KCNJ15: variants seen among roughly 807,000 people sequenced by gnomAD.
KCNJ15 encodes potassium inwardly rectifying channel subfamily J member 15.
KCNJ15 carries 14 observed loss-of-function variants against 23.0 expected under a neutral mutation model. The observed-to-expected ratio is 0.61, with a 90% CI of 0.40 to 0.95. The LOEUF is 0.95. Among genes scored for constraint, KCNJ15 ranks in the 40% least tolerant of loss-of-function variants. The pLI is 0.00. For synonymous variants in KCNJ15, 185 were observed against 183.2 expected (o/e 1.01, Z -0.08); for missense variants, 388 against 461.8 (o/e 0.84, Z 1.46).
chr21:38,245,568 G>A (rs1183674130), intron 1 of KCNJ15, among the ~76,000 whole-genome samples: 1 of 142,848 alleles, frequency 7.0e-6, no homozygotes, highest in Non-Finnish European at 1.5e-5. Context: ...AACAAAGAAA[G>A]AAAAGAAAGA....
intron 1 of KCNJ15, among the ~76,000 whole-genome samples, chr21:38,259,838 G>A (rs149903681): frequency 1.1e-3 from 163 of 152,270 alleles, no homozygotes; most frequent in Admixed American, 2.7e-3. Context: ...AGACAGGTCT[G>A]ACTGAACACA....
chr21:38,277,427 A>G (rs1341283418), intron 1 of KCNJ15, among the ~76,000 whole-genome samples: 1 of 152,212 alleles, frequency 6.6e-6, no homozygotes, highest in Non-Finnish European at 1.5e-5. Context: ...TAAATGAATG[A>G]GGAGCTGATG....
intron 1 of KCNJ15, among the ~76,000 whole-genome samples, chr21:38,261,862 C>A (rs1401365510): frequency 1.3e-5 from 2 of 152,170 alleles, no homozygotes; most frequent in African/African-American, 4.8e-5. Flanking sequence ...TGAGGGCTTG[C>A]CCCAGTGGAA....
chr21:38,268,380 C>A (rs2836263), intron 1 of KCNJ15, among the ~76,000 whole-genome samples: 31,136 of 151,308 alleles, frequency 0.21, 3,515 homozygotes, highest in East Asian at 0.44. Context: ...CAAACTTCAG[C>A]AAAAAAGGAA....
chr21:38,249,855 A>G (rs1361251746), intron 1 of KCNJ15, among the ~76,000 whole-genome samples: 3 of 152,250 alleles, frequency 2.0e-5, no homozygotes, highest in African/African-American at 7.2e-5. Context: ...ATGATAGAAT[A>G]AGATGATCTT....
At chr21:38,283,581 A>G (rs1601219160) in intron 1 of KCNJ15, among the ~76,000 whole-genome samples, 1 of 152,250 alleles carries the variant, frequency 6.6e-6, no homozygotes, top group African/African-American at 2.4e-5. Flanking sequence ...TAATGTTTTA[A>G]TATCATAATA....
At chr21:38,260,127 C>T (rs775301068) in intron 1 of KCNJ15, among the ~76,000 whole-genome samples, 4 of 152,006 alleles carry the variant, frequency 2.6e-5, no homozygotes, top group African/African-American at 2.4e-5. Flanking sequence ...CCTCTATGCC[C>T]GTGATTCTCC....
chr21:38,241,910 A>G (rs1219890182), intron 1 of KCNJ15, among the ~76,000 whole-genome samples: 2 of 150,536 alleles, frequency 1.3e-5, no homozygotes, highest in Non-Finnish European at 2.9e-5. Flanking sequence ...TGGAAGTTGC[A>G]GTGAGCCAAG....
chr21:38,285,972 G>A (rs1268925534), intron 1 of KCNJ15, among the ~76,000 whole-genome samples: 1 of 152,090 alleles, frequency 6.6e-6, no homozygotes, highest in South Asian at 2.1e-4. Context: ...GGCTGGGCGC[G>A]GTGGTTCATG....
intron 1 of KCNJ15, among the ~76,000 whole-genome samples, chr21:38,261,584 A>G (rs1980902565): frequency 6.6e-6 from 1 of 152,236 alleles, no homozygotes; most frequent in African/African-American, 2.4e-5. Context: ...AATGCTATCT[A>G]GAATGTTTCT....
chr21:38,278,157 A>G (rs966196518), intron 1 of KCNJ15, among the ~76,000 whole-genome samples: 4 of 151,118 alleles, frequency 2.6e-5, no homozygotes, highest in Admixed American at 1.3e-4. Flanking sequence ...GGTGCTTTCT[A>G]TAACTGGAAG....
In KCNJ15 at chr21:38,299,751, T is replaced by G; in HGVS notation, c.490T>G (p.Phe164Val). Residue 164 changes from phenylalanine (F) to valine (V), a missense_variant, in exon 3 of 3, where the codon TTC becomes GTC. Physicochemically the swap from Phe to Val is conservative, Grantham distance 50 (BLOSUM62 -1). Coordinates refer to ENST00000398938, the MANE Select transcript of KCNJ15 (RefSeq NM_170736.3). The surrounding 1 kb of genome is among the most constrained non-coding windows in gnomAD (Gnocchi z 4.5). ...GATTGAGATCTTCATCACCGGAACC[T>G]TCCTGGCCAAAATCGCCAGACCCAA... ...TLIEIFITGT[F>V]LAKIARPKKR... 6.2e-7 allele frequency: 1 copy of G among 1,614,126 alleles called. No homozygotes were observed. Among genetic ancestry groups the G allele is most frequent in the Non-Finnish European group, 8.5e-7 (1 of 1,180,028 alleles).
At position 38,299,861 on chromosome 21, in the gene KCNJ15, C is replaced by G. The variant is rs1339426725; in HGVS notation, c.600C>G (p.Ala200=). The G allele has an allele frequency of 6.2e-7, 1 of 1,614,064 alleles. No individual in the cohort carries two copies. The highest frequency in any genetic ancestry group is 2.2e-5 in the East Asian group (1 of 44,880). ...AGCTGTGCTTGGTGATTCAGGTAGC[C>G]AATATGAGGAAGAGCCTCTTGATTC... ...NGKLCLVIQV[A]NMRKSLLIQC... Residue 200 remains alanine, a synonymous_variant, in exon 3 of 3, where the codon GCC becomes GCG. Transcript: ENST00000398938. This position sits in a 1 kb window ranked among gnomAD's most constrained non-coding sequence, Gnocchi z 4.5.
intron 1 of KCNJ15, among the ~76,000 whole-genome samples, chr21:38,246,928 T>C (rs967269953): frequency 7.2e-5 from 11 of 152,220 alleles, no homozygotes; most frequent in Admixed American, 2.0e-4. Flanking sequence ...AAGTTAGAAG[T>C]TACACTGAGC....
At chr21:38,263,286 G>T (rs879741084) in intron 1 of KCNJ15, among the ~76,000 whole-genome samples, 12 of 152,138 alleles carry the variant, frequency 7.9e-5, no homozygotes, top group Non-Finnish European at 1.8e-4. Context: ...GATTCTGCTG[G>T]TCAGAAGGCA....
At position 38,295,848 on chromosome 21, in the gene KCNJ15, T is replaced by C. The variant is rs531371007; in HGVS notation, c.-116-1078T>C. 3.4e-4 allele frequency among the ~76,000 whole-genome samples: 52 copies of C among 152,278 alleles called. No individual in the cohort carries two copies. In the South Asian group the frequency reaches 8.9e-3, roughly 26 times the overall value. Reference sequence around the variant, plus strand: ...CAATTCATAAAGCCTATGGGTAAGATTGATGGGCACAAAGAAGATTCTGGG... The same window carrying C: ...CAATTCATAAAGCCTATGGGTAAGACTGATGGGCACAAAGAAGATTCTGGG... On this transcript the variant is annotated intron_variant, in intron 1 of 2. Transcript: ENST00000398938.
chr21:38,269,151 A>T (rs1981810878), intron 1 of KCNJ15: 1 of 152,250 alleles, frequency 6.6e-6, no homozygotes, highest in Admixed American at 6.5e-5. Flanking sequence ...GTAGGGAATG[A>T]GCATTCTCAA....
At chr21:38,275,353 A>G (rs1451139919) in intron 1 of KCNJ15, among the ~76,000 whole-genome samples, 1 of 151,966 alleles carries the variant, frequency 6.6e-6, no homozygotes, top group African/African-American at 2.4e-5. Flanking sequence ...GTAGTTCCCA[A>G]TATGGCCTCA....
upstream of KCNJ15, among the ~76,000 whole-genome samples, chr21:38,253,769 A>G (rs191256629): frequency 6.6e-6 from 1 of 152,120 alleles, no homozygotes; most frequent in African/African-American, 2.4e-5. Flanking sequence ...TCTTCTGCCC[A>G]GTATTCAGAT....
Sources: allele counts gnomAD v4.1 joint callset (sites outside exome capture counted in the v4.1 genomes callset), GRCh38; gene constraint gnomAD v4.1.1; non-coding constraint Gnocchi (gnomAD v3.1); transcripts MANE v1.5; gene names NCBI Gene and HGNC (gene_info 2026-07-23, HGNC 2026-07-21).